The following ANKRD23 variants were observed in gnomAD, a reference collection of about 807,000 sequenced individuals.
ANKRD23 encodes ankyrin repeat domain 23.
Under a neutral mutation model 38.1 loss-of-function variants are expected in ANKRD23, and 52 were observed. That is an observed-to-expected ratio of 1.36 (90% CI 1.09 to 1.72). ANKRD23 has a LOEUF of 1.72. ANKRD23 is among the 40% of genes most tolerant of loss of function. The pLI is 0.00. For missense variants in ANKRD23, 416 were observed against 400.2 expected (o/e 1.04, Z -0.34); for synonymous variants, 167 against 162.9 (o/e 1.03, Z -0.19).
In ANKRD23 at chr2:96,838,268, G is replaced by T; in HGVS notation, c.*1281C>A. 1.2e-6 allele frequency: 1 copy of T among 843,580 alleles called. No individual in the cohort carries two copies. Among genetic ancestry groups the T allele is most frequent in the Non-Finnish European group, 1.4e-6 (1 of 698,540 alleles). The allele number at this position is 843,580 out of a possible 1,614,324, so 52.3% of individuals were successfully genotyped here. A position where few individuals can be genotyped will look rare whatever the true frequency, so the allele number is the denominator to read the frequency against. ...ACCCAGGACCCATGTGAGGGAGGCTGAGCCTTCACCTTTCAGCCCTTCCCT... is the reference window on the plus strand; with the variant it reads ...ACCCAGGACCCATGTGAGGGAGGCTTAGCCTTCACCTTTCAGCCCTTCCCT... On this transcript the variant is annotated 3_prime_UTR_variant, in exon 9 of 9. Coordinates refer to ENST00000318357, the MANE Select transcript of ANKRD23 (RefSeq NM_144994.8).
Position 96,840,839 on chromosome 2 carries a change from T to G in ANKRD23, c.374A>C (p.Tyr125Ser). Residue 125 changes from tyrosine (Y) to serine (S), a missense_variant, in exon 4 of 9, where the codon TAC (tyrosine) becomes TCC (serine). Coordinates refer to ENST00000318357, the MANE Select transcript of ANKRD23 (RefSeq NM_144994.8). The stretch of plus-strand genomic sequence containing the variant: ...GTCTGTCAAGTACTTGTCAATCAGG[T>G]ACTCCTGGTTCTCAGCAGCTGCCTT... ...FLKAAAENQE[Y>S]LIDKYLTDGG... 4 of 1,614,168 alleles carry G rather than the reference T, an allele frequency of 2.5e-6. No individual in the cohort carries two copies. The highest frequency in any genetic ancestry group is 3.4e-6 in the Non-Finnish European group (4 of 1,180,028).
chr2:96,839,279 C>T lies in ANKRD23; in HGVS notation c.*270G>A, dbSNP rs1338718809. On this transcript the variant is annotated 3_prime_UTR_variant, in exon 9 of 9. Transcript: ENST00000318357. The stretch of plus-strand genomic sequence containing the variant: ...CTCTCCTCCCCTTCCTGGCCCTCAT[C>T]TGGACCCGCGCTTTCTGCTGCCTTG... The T allele has an allele frequency of 5.8e-6, 7 of 1,206,216 alleles. No homozygotes were observed. The highest frequency in any genetic ancestry group is 6.2e-6 in the Non-Finnish European group (6 of 971,934). 74.7% of individuals were successfully genotyped at this position (1,206,216 alleles called of 1,614,324 possible).
chr2:96,843,656 CAT>C (rs2079784498), intron 1 of ANKRD23, among the ~76,000 whole-genome samples: 1 of 152,166 alleles, frequency 6.6e-6, no homozygotes. Flanking sequence ...CACCACCTCA[CAT>C]GAGAACCGAG....
At chr2:96,841,752 G>A (rs1043869674) in intron 3 of ANKRD23, among the ~76,000 whole-genome samples, 16 of 152,138 alleles carry the variant, frequency 1.1e-4, no homozygotes, top group Admixed American at 3.9e-4. Context: ...ACCAGAAGCC[G>A]GAGAGGCATG....
At chr2:96,843,051 T>C (rs2153359008) in intron 1 of ANKRD23, among the ~76,000 whole-genome samples, 1 of 152,312 alleles carries the variant, frequency 6.6e-6, no homozygotes, top group Non-Finnish European at 1.5e-5. Context: ...TTATGAGTTA[T>C]TGGGACCTGT....
chr2:96,840,027 C>G lies in ANKRD23; in HGVS notation c.693G>C (p.Glu231Asp). 9 of 1,560,614 alleles carry G rather than the reference C, an allele frequency of 5.8e-6. No individual in the cohort carries two copies. Among genetic ancestry groups the G allele is most frequent in the Non-Finnish European group, 6.9e-6 (8 of 1,151,640 alleles). The change falls in exon 7 of 9, where the codon GAG (glutamate) becomes GAC (aspartate). Residue 231 changes from glutamate to aspartate, a missense_variant. Physicochemically the swap from Glu to Asp is conservative, Grantham distance 45. Transcript: ENST00000318357. ...RHPDCLEHLI[E>D]CGAHLNAQDK... ...CCTGTGCGTTCAGGTGGGCGCCACA[C>G]TCGATGAGGTGCTCCAGGCAGTCGG... is the stretch of plus-strand genomic sequence containing the variant.
In ANKRD23 at chr2:96,839,822, C is replaced by G. The variant is rs776561347; in HGVS notation, c.727G>C (p.Gly243Arg). ...GAHLNAQDKE[G>R]DTALHEAVRH... ...ACGGCCTCGTGCAGAGCCGTGTCCCCTTCCTGCTGAGAACGCAGGCAGTCA... is the reference window on the plus strand; with the variant it reads ...ACGGCCTCGTGCAGAGCCGTGTCCCGTTCCTGCTGAGAACGCAGGCAGTCA... Residue 243 changes from glycine (G) to arginine (R), a missense_variant, in exon 8 of 9, where the codon GGG becomes CGG. Gly to Arg is a moderately radical substitution (Grantham distance 125). Coordinates refer to ENST00000318357, the MANE Select transcript of ANKRD23 (RefSeq NM_144994.8). 7 of 1,612,200 alleles carry G rather than the reference C, an allele frequency of 4.3e-6. No individual in the cohort carries two copies. Among genetic ancestry groups the G allele is most frequent in the Non-Finnish European group, 5.1e-6 (6 of 1,179,562 alleles).
At chr2:96,842,028 G>A in intron 3 of ANKRD23, 32 bp downstream of exon 3, 4 of 1,612,916 alleles carry the variant, frequency 2.5e-6, no homozygotes, top group South Asian at 2.2e-5. Flanking sequence ...GCCCTGGTGT[G>A]TGCACTGCCC....
chr2:96,840,311 A>G lies in ANKRD23; in HGVS notation c.545T>C (p.Phe182Ser). 6.2e-7 allele frequency: 1 copy of G among 1,608,564 alleles called. No homozygotes were observed. Among genetic ancestry groups the G allele is most frequent in the Non-Finnish European group, 8.5e-7 (1 of 1,177,124 alleles). Reference sequence around the variant, plus strand: ...CAGATGTCCTCCGCGGCAGGCCCAGAACACAGGTGTCCTGTCCAGCTGCAA... The same window carrying G: ...CAGATGTCCTCCGCGGCAGGCCCAGGACACAGGTGTCCTGTCCAGCTGCAA... ...ARDLLDRTPV[F>S]WACRGGHLVI... Residue 182 changes from phenylalanine to serine, a missense_variant, in exon 6 of 9, where the codon TTC becomes TCC. By Grantham distance (155) the Phe-to-Ser change is radical (BLOSUM62 -2). Transcript: ENST00000318357.
intron 3 of ANKRD23, chr2:96,841,115 C>T (rs1465493450): frequency 6.8e-6 from 4 of 586,430 alleles, no homozygotes; most frequent in Admixed American, 3.4e-5. Flanking sequence ...TATGGATTGA[C>T]TTGTATCTCC....
rs1300168112 is a variant in ANKRD23, at chr2:96,838,684, G to A, written c.*865C>T. 1.0e-6 allele frequency: 1 copy of A among 985,496 alleles called. No homozygotes were observed. The highest frequency in any genetic ancestry group is 1.7e-5 in the African/African-American group (1 of 57,258). The allele number at this position is 985,496 out of a possible 1,614,324, so 61.0% of individuals were successfully genotyped here. ...TACGGGCCACTGCCCCAAGAGTTGA[G>A]TGGGCCACAAGCAATCCCCAGTGCC... On this transcript the variant is annotated 3_prime_UTR_variant, in exon 9 of 9. Transcript: ENST00000318357.
chr2:96,844,013 C>A lies in ANKRD23; in HGVS notation c.-21G>T, dbSNP rs150884357. ...TCCATGGTCCCCCCTGTTCCTCACA[C>A]CCCCCAGTGAGAAGAGCTGAACTGC... On this transcript the variant is annotated 5_prime_UTR_variant, in exon 1 of 9. Transcript: ENST00000318357. The A allele has an allele frequency of 4.0e-4, 636 of 1,589,418 alleles. 8 individuals are homozygous for A. In the East Asian group the frequency reaches 0.015, roughly 37 times the overall value.
At position 96,839,240 on chromosome 2, in the gene ANKRD23, G is replaced by A. The variant is rs1010378131; in HGVS notation, c.*309C>T. 1.1e-5 allele frequency: 13 copies of A among 1,132,234 alleles called. No individual in the cohort carries two copies. In the African/African-American group the frequency reaches 1.3e-4, roughly 11 times the overall value. 70.1% of individuals were successfully genotyped at this position (1,132,234 alleles called of 1,614,324 possible). On this transcript the variant is annotated 3_prime_UTR_variant, in exon 9 of 9. Coordinates refer to ENST00000318357, the MANE Select transcript of ANKRD23 (RefSeq NM_144994.8). ...GCTTGGGACTGCTCCCTTAAGGCTCGTTCTTGGCCCTCACTCTCCTCCCCT... is the reference window on the plus strand; with the variant it reads ...GCTTGGGACTGCTCCCTTAAGGCTCATTCTTGGCCCTCACTCTCCTCCCCT...
At position 96,839,337 on chromosome 2, in the gene ANKRD23, G is replaced by C. The variant is rs1246079167; in HGVS notation, c.*212C>G. The C allele has an allele frequency of 5.6e-6, 7 of 1,249,166 alleles. No homozygotes were observed. The highest frequency in any genetic ancestry group is 6.0e-6 in the Non-Finnish European group (6 of 999,008). 77.4% of individuals were successfully genotyped at this position (1,249,166 alleles called of 1,614,324 possible). A position where few individuals can be genotyped will look rare whatever the true frequency, so the allele number is the denominator to read the frequency against. On this transcript the variant is annotated 3_prime_UTR_variant, in exon 9 of 9. Coordinates refer to ENST00000318357, the MANE Select transcript of ANKRD23 (RefSeq NM_144994.8). ...CTGCTCCAGCCCTGGGAGGGAACGCGGCTCCCCTGACACTCGAAGCCAGGG... is the reference window on the plus strand; with the variant it reads ...CTGCTCCAGCCCTGGGAGGGAACGCCGCTCCCCTGACACTCGAAGCCAGGG...
In ANKRD23 at chr2:96,838,809, G is replaced by A. The variant is rs988558955; in HGVS notation, c.*740C>T. ...GGTGCGAGGCTTCTCTCAAATGCGC[G>A]CTCCAGCTCATCAGTCTTAGGGCTT... On this transcript the variant is annotated 3_prime_UTR_variant, in exon 9 of 9. Transcript: ENST00000318357. The A allele has an allele frequency of 1.6e-5, 16 of 985,546 alleles. No individual in the cohort carries two copies. The highest frequency in any genetic ancestry group is 1.4e-4 in the South Asian group (3 of 21,292). The allele number at this position is 985,546 out of a possible 1,614,324, so 61.1% of individuals were successfully genotyped here.
At position 96,839,025 on chromosome 2, in the gene ANKRD23, C is replaced by T; in HGVS notation, c.*524G>A. 6.1e-6 allele frequency: 6 copies of T among 986,060 alleles called. No homozygotes were observed. The highest frequency in any genetic ancestry group is 7.2e-6 in the Non-Finnish European group (6 of 830,400). 61.1% of individuals were successfully genotyped at this position (986,060 alleles called of 1,614,324 possible). A position where few individuals can be genotyped will look rare whatever the true frequency, so the allele number is the denominator to read the frequency against. On this transcript the variant is annotated 3_prime_UTR_variant, in exon 9 of 9. Transcript: ENST00000318357. The stretch of plus-strand genomic sequence containing the variant: ...AGAGAAAGCCATGCCCACAGGCATC[C>T]ACCAGCTGCAGACAGGCCCGGCCCC...
In ANKRD23 at chr2:96,839,784, GCT is replaced by G; in HGVS notation, c.763_764del (p.Ser255LeufsTer242). 6.2e-7 allele frequency: 1 copy of G among 1,613,384 alleles called. No individual in the cohort carries two copies. The highest frequency in any genetic ancestry group is 8.5e-7 in the Non-Finnish European group (1 of 1,179,962). ...GCAGCAGTAGCTTCATGGCTTTGTA[GCT>G]GCCGTGCCGCACGGCCTCGTGCAGA... is the stretch of plus-strand genomic sequence containing the variant. Reference protein sequence around the residue: ...TALHEAVRHGSYKAMKLLLLY... With the variant: ...TALHEAVRHGXYKAMKLLLLY... On this transcript the variant is annotated frameshift_variant, in exon 8 of 9. Coordinates refer to ENST00000318357, the MANE Select transcript of ANKRD23 (RefSeq NM_144994.8). LOFTEE classifies it high-confidence loss of function.
chr2:96,839,367 C>G lies in ANKRD23; in HGVS notation c.*182G>C, dbSNP rs1450535878. 8 of 1,257,320 alleles carry G rather than the reference C, an allele frequency of 6.4e-6. No individual in the cohort carries two copies. In the Admixed American group the frequency reaches 2.7e-4, roughly 42 times the overall value. 77.9% of individuals were successfully genotyped at this position (1,257,320 alleles called of 1,614,324 possible). A position where few individuals can be genotyped will look rare whatever the true frequency, so the allele number is the denominator to read the frequency against. On this transcript the variant is annotated 3_prime_UTR_variant, in exon 9 of 9. Transcript: ENST00000318357. ...CCCTGACACTCGAAGCCAGGGAGGCCTCTCTCTTTGCCTGCTGGGCCCGGT... is the reference window on the plus strand; with the variant it reads ...CCCTGACACTCGAAGCCAGGGAGGCGTCTCTCTTTGCCTGCTGGGCCCGGT...
Position 96,839,631 on chromosome 2 carries a change from G to C in ANKRD23, c.836C>G (p.Pro279Arg), listed in dbSNP as rs754691835. ...CTGCCAGTCTCGAGCCAGCTGCACC[G>C]GGGTCACGGAGGCCTGGGAGCAACG... ...LGVRNAASVT[P>R]VQLARDWQRG... The change falls in exon 9 of 9, where the codon CCG becomes CGG. Residue 279 changes from proline (P) to arginine (R), a missense_variant. Physicochemically the swap from Pro to Arg is moderately radical, Grantham distance 103. Coordinates refer to ENST00000318357, the MANE Select transcript of ANKRD23 (RefSeq NM_144994.8). The C allele has an allele frequency of 1.1e-4, 165 of 1,510,762 alleles. 1 individual carries two copies. The Admixed American group carries it at 3.5e-3, about 32-fold the overall frequency. 93.6% of individuals were successfully genotyped at this position (1,510,762 alleles called of 1,614,324 possible).
Sources: allele counts gnomAD v4.1 joint callset (sites outside exome capture counted in the v4.1 genomes callset), GRCh38; gene constraint gnomAD v4.1.1; transcripts MANE v1.5; gene names NCBI Gene and HGNC (gene_info 2026-07-23, HGNC 2026-07-21).